The following IPO8 variants were observed in gnomAD, a reference collection of about 807,000 sequenced individuals.
IPO8 encodes the protein importin 8, also known as importin-8.
Under a neutral mutation model 141.2 loss-of-function variants are expected in IPO8, and 65 were observed. The ratio of observed to expected loss-of-function variants is 0.46; its 90% CI spans 0.38 to 0.57. IPO8 has a LOEUF of 0.57. Among genes scored for constraint, IPO8 ranks in the 20% least tolerant of loss-of-function variants. The pLI, the probability that IPO8 is intolerant of heterozygous loss-of-function variation, is 0.00. For missense variants in IPO8, 980 were observed against 1,246.8 expected, an observed-to-expected ratio of 0.79 and a Z score of 3.22; for synonymous variants, 411 against 420.3, an observed-to-expected ratio of 0.98 and a Z score of 0.27.
At chr12:30,660,068 T>A (rs746276752) in intron 16 of IPO8, among the ~76,000 whole-genome samples, 9 of 149,520 alleles carry the variant, frequency 6.0e-5, no homozygotes, top group African/African-American at 2.2e-4. Context: ...ACTGAAAATA[T>A]AAAAATTAGC....
At chr12:30,651,011 A>G (rs1322352174) in intron 19 of IPO8, among the ~76,000 whole-genome samples, 3 of 152,136 alleles carry the variant, frequency 2.0e-5, no homozygotes, top group Non-Finnish European at 4.4e-5. Context: ...AGTATTTCAT[A>G]TTCATAAAAG....
chr12:30,660,364 G>A (rs569175962), intron 16 of IPO8, among the ~76,000 whole-genome samples: 1 of 152,318 alleles, frequency 6.6e-6, no homozygotes, highest in South Asian at 2.1e-4. Flanking sequence ...GAGTTAAGGA[G>A]AGGCCATGGG....
Position 30,630,928 on chromosome 12 carries a change from C to T in IPO8, c.3046G>A (p.Gly1016Ser), listed in dbSNP as rs781130742. 2.5e-6 allele frequency: 4 copies of T among 1,613,488 alleles called. No individual in the cohort carries two copies. The highest frequency in any genetic ancestry group is 3.4e-6 in the Non-Finnish European group (4 of 1,179,944). ...EAKKKIEQQG[G>S]FTFENKGVLS... ...ACTCCTTTGTTTTCAAAGGTGAAGC[C>T]TCCCTGTTGTTCAATCTTCTTCTTT... Residue 1016 changes from glycine to serine, a missense_variant, in exon 25 of 25, where the codon GGC becomes AGC. Coordinates refer to ENST00000256079, the MANE Select transcript of IPO8 (RefSeq NM_006390.4).
rs368745545 is a variant in IPO8, at chr12:30,659,122, C to T, written c.1881+2019G>A. 6.6e-5 allele frequency among the ~76,000 whole-genome samples: 10 copies of T among 152,150 alleles called. No homozygotes were observed. In the East Asian group the frequency reaches 1.8e-3, roughly 27 times the overall value. On this transcript the variant is annotated intron_variant, in intron 16 of 24. Coordinates refer to ENST00000256079, the MANE Select transcript of IPO8 (RefSeq NM_006390.4). ...GTCTCGATCTCCTGACCTCGTGATCCACCCGCCTCAGCCTCCCAAAGTGCT... is the reference window on the plus strand; with the variant it reads ...GTCTCGATCTCCTGACCTCGTGATCTACCCGCCTCAGCCTCCCAAAGTGCT...
intron 22 of IPO8, among the ~76,000 whole-genome samples, chr12:30,636,781 G>A (rs528657299): frequency 6.6e-6 from 1 of 152,042 alleles, no homozygotes; most frequent in Non-Finnish European, 1.5e-5. Flanking sequence ...AGTATATTAG[G>A]TGTCAGAAGG....
chr12:30,658,000 A>G (rs2052825506), intron 16 of IPO8, among the ~76,000 whole-genome samples: 1 of 152,186 alleles, frequency 6.6e-6, no homozygotes, highest in Non-Finnish European at 1.5e-5. Flanking sequence ...TTCTTTTCAC[A>G]TCTTTTGAAT....
chr12:30,639,776 C>A, intron 20 of IPO8, 41 bp from the exon 21 acceptor site: 1 of 1,470,808 alleles, frequency 6.8e-7, no homozygotes, highest in Non-Finnish European at 9.5e-7. Context: ...ACAGACAGCC[C>A]AAGTAACTTT....
At chr12:30,666,483 A>G (rs2052967038) in intron 10 of IPO8, among the ~76,000 whole-genome samples, 1 of 152,198 alleles carries the variant, frequency 6.6e-6, no homozygotes. Context: ...ATTATATTGA[A>G]GAAAACAATG....
intron 2 of IPO8, among the ~76,000 whole-genome samples, chr12:30,685,494 A>C (rs2053231509): frequency 7.2e-6 from 1 of 138,732 alleles, no homozygotes; most frequent in Non-Finnish European, 1.6e-5. Flanking sequence ...GTAAATACTT[A>C]TAATGTTGTG....
chr12:30,687,372 AT>A (rs977145720), intron 2 of IPO8, among the ~76,000 whole-genome samples: 1 of 152,230 alleles, frequency 6.6e-6, no homozygotes, highest in Non-Finnish European at 1.5e-5. Flanking sequence ...ATAAGTTGAA[AT>A]TAACTTTCTA....
chr12:30,636,091 T>C (rs2052496813), intron 22 of IPO8, among the ~76,000 whole-genome samples: 1 of 152,068 alleles, frequency 6.6e-6, no homozygotes, highest in African/African-American at 2.4e-5. Flanking sequence ...CCTACACAGA[T>C]TTCAGAAAAA....
chr12:30,675,956 G>GT (rs955464821), intron 6 of IPO8, among the ~76,000 whole-genome samples: 7 of 151,230 alleles, frequency 4.6e-5, no homozygotes, highest in East Asian at 1.9e-4. Flanking sequence ...TTATCAATAC[G>GT]TTTTTTTTCT....
chr12:30,635,144 T>C (rs1297499166), intron 22 of IPO8, among the ~76,000 whole-genome samples: 1 of 152,046 alleles, frequency 6.6e-6, no homozygotes, highest in Non-Finnish European at 1.5e-5. Flanking sequence ...AATAGAATGG[T>C]GGTTACCAGA....
intron 2 of IPO8, among the ~76,000 whole-genome samples, 200 bp from the exon 3 acceptor site, chr12:30,684,657 G>A (rs948885630): frequency 1.3e-5 from 2 of 152,178 alleles, no homozygotes; most frequent in Non-Finnish European, 2.9e-5. Flanking sequence ...AGTCTAAGCA[G>A]AAAACATTTC....
chr12:30,635,600 C>T (rs1360774289), intron 22 of IPO8, among the ~76,000 whole-genome samples: 2 of 151,988 alleles, frequency 1.3e-5, no homozygotes, highest in African/African-American at 2.4e-5. Context: ...AATACTGGAA[C>T]AGGAAGGCAG....
intron 20 of IPO8, 45 bp downstream of exon 20, chr12:30,649,092 T>C (rs770190476): frequency 1.0e-5 from 13 of 1,285,902 alleles, no homozygotes; most frequent in Non-Finnish European, 1.4e-5. Context: ...GCATGTAAAC[T>C]TCAAATGTAA....
Position 30,681,787 on chromosome 12 carries a change from G to A in IPO8, c.354C>T (p.Ile118=). The A allele has an allele frequency of 6.2e-7, 1 of 1,613,678 alleles. No individual in the cohort carries two copies. Among genetic ancestry groups the A allele is most frequent in the Non-Finnish European group, 8.5e-7 (1 of 1,179,690 alleles). The change falls in exon 4 of 25, where the codon ATC becomes ATT. Residue 118 remains isoleucine (I), a synonymous_variant. Coordinates refer to ENST00000256079, the MANE Select transcript of IPO8 (RefSeq NM_006390.4). ...RVQLTMCLRA[I]IKHDFPGHWP... ...AGTGACCAGGAAAATCATGTTTTAT[G>A]ATGGCACGGAGACACATTGTTAATT...
intron 9 of IPO8, among the ~76,000 whole-genome samples, chr12:30,669,936 A>G (rs1312915099): frequency 6.6e-6 from 1 of 152,212 alleles, no homozygotes; most frequent in Non-Finnish European, 1.5e-5. Flanking sequence ...TAAAAACAGG[A>G]TCATCTCTTA....
chr12:30,662,968 C>T (rs1591833963), intron 14 of IPO8, among the ~76,000 whole-genome samples: 2 of 152,280 alleles, frequency 1.3e-5, no homozygotes, highest in South Asian at 2.1e-4. Context: ...AGGCAAACTA[C>T]GTTCACGTTC....
Sources: allele counts gnomAD v4.1 joint callset (sites outside exome capture counted in the v4.1 genomes callset), GRCh38; gene constraint gnomAD v4.1.1; transcripts MANE v1.5; gene names NCBI Gene and HGNC (gene_info 2026-07-23, HGNC 2026-07-21).